Variants in CFAP54 observed in about 807,000 individuals in gnomAD.
CFAP54 encodes the protein cilia and flagella associated protein 54, also known as cilia- and flagella-associated protein 54.
Under a neutral mutation model 370.4 loss-of-function variants are expected in CFAP54, and 290 were observed. The ratio of observed to expected loss-of-function variants is 0.78; its 90% CI spans 0.71 to 0.86. CFAP54 has a LOEUF of 0.86. CFAP54 is among the 40% of genes least tolerant of loss of function. CFAP54 has a pLI of 0.00. For synonymous variants in CFAP54, 1,206 were observed against 1,236.5 expected (o/e 0.98, Z 0.52); for missense variants, 3,399 against 3,528.7 (o/e 0.96, Z 0.93).
chr12:96,775,737 T>C (rs1362806006), intron 60 of CFAP54, among the ~76,000 whole-genome samples: 1 of 152,182 alleles, frequency 6.6e-6, no homozygotes, highest in Non-Finnish European at 1.5e-5. Flanking sequence ...ATTATATCTT[T>C]ATTGTGAATG....
chr12:96,665,869 G>A (rs1957074371), intron 39 of CFAP54, among the ~76,000 whole-genome samples: 2 of 152,150 alleles, frequency 1.3e-5, no homozygotes, highest in Non-Finnish European at 2.9e-5. Context: ...CTCAATGGTA[G>A]TTCAATAGGA....
chr12:96,597,492 A>G (rs1288007970), intron 25 of CFAP54, among the ~76,000 whole-genome samples: 3 of 152,018 alleles, frequency 2.0e-5, no homozygotes, highest in Non-Finnish European at 4.4e-5. Context: ...TTGGCAAAAA[A>G]GCTGGTGACA....
intron 22 of CFAP54, 107 bp from the exon 23 acceptor site, chr12:96,589,320 A>C: frequency 1.1e-6 from 1 of 907,974 alleles, no homozygotes; most frequent in Non-Finnish European, 1.6e-6. Context: ...TGAGCGTGTG[A>C]TAGCACCTTA....
intron 66 of CFAP54, among the ~76,000 whole-genome samples, chr12:96,856,500 T>C (rs2136459145): frequency 6.6e-6 from 1 of 152,258 alleles, no homozygotes; most frequent in African/African-American, 2.4e-5. Context: ...GTTCCACAGA[T>C]CTCTAGGGAG....
chr12:96,851,350 GTTTCCTAATTCTA>G (rs1319171356), intron 66 of CFAP54, among the ~76,000 whole-genome samples: 1 of 151,944 alleles, frequency 6.6e-6, no homozygotes, highest in Non-Finnish European at 1.5e-5. Flanking sequence ...TATTTAGGTG[GTTTCCTAATTCTA>G]ATTCTATTCC....
At chr12:96,749,474 TAAG>T (rs1429595258) in intron 55 of CFAP54, among the ~76,000 whole-genome samples, 3 of 152,228 alleles carry the variant, frequency 2.0e-5, no homozygotes, top group Non-Finnish European at 4.4e-5. Context: ...ATAAGATTGT[TAAG>T]AAGATGTTAA....
chr12:96,869,718 C>T (rs930964299), intron 67 of CFAP54, among the ~76,000 whole-genome samples: 1 of 151,394 alleles, frequency 6.6e-6, no homozygotes, highest in Admixed American at 6.6e-5. Context: ...GGTGGATCAC[C>T]TGAGGTCGGG....
At chr12:96,824,279 G>T (rs1959062993) in intron 65 of CFAP54, among the ~76,000 whole-genome samples, 1 of 152,148 alleles carries the variant, frequency 6.6e-6, no homozygotes, top group Non-Finnish European at 1.5e-5. Context: ...ACATGTGTAT[G>T]CGGTTTACCT....
In CFAP54 at chr12:96,685,231, A is replaced by G; in HGVS notation, c.6007A>G (p.Ile2003Val). The stretch of plus-strand genomic sequence containing the variant: ...GCAAGGAGCAGTCATATCAGCAAAG[A>G]TAGCACAGTGAGTGTGAGGATGGAA... ...CLQGAVISAKIAQFIKSLNVE... is the reference protein window; with the variant it reads ...CLQGAVISAKVAQFIKSLNVE... Residue 2003 changes from isoleucine (I) to valine (V), a missense_variant, in exon 42 of 68, where the codon ATA (isoleucine) becomes GTA (valine). Ile to Val is a conservative substitution (Grantham distance 29, BLOSUM62 3). Transcript: ENST00000524981. 1 of 1,613,894 alleles carries G rather than the reference A, an allele frequency of 6.2e-7. No homozygotes were observed. Among genetic ancestry groups the G allele is most frequent in the South Asian group, 1.1e-5 (1 of 91,072 alleles).
At chr12:96,574,505 C>T (rs1955956164) in intron 19 of CFAP54, among the ~76,000 whole-genome samples, 1 of 151,848 alleles carries the variant, frequency 6.6e-6, no homozygotes, top group Non-Finnish European at 1.5e-5. Context: ...TGGTTATTGG[C>T]TAAAATTAAT....
At chr12:96,837,662 A>G (rs375351018) in intron 66 of CFAP54, among the ~76,000 whole-genome samples, 4 of 152,350 alleles carry the variant, frequency 2.6e-5, no homozygotes, top group South Asian at 2.1e-4. Context: ...CTCATGATAC[A>G]TCTTCTAGAG....
chr12:96,659,248 C>T (rs1246216968), intron 38 of CFAP54, among the ~76,000 whole-genome samples: 1 of 152,182 alleles, frequency 6.6e-6, no homozygotes, highest in Non-Finnish European at 1.5e-5. Context: ...ATTCTCCTGC[C>T]TCAGCCTTCC....
chr12:96,516,176 A>G (rs1347193553), intron 5 of CFAP54, among the ~76,000 whole-genome samples: 3 of 151,946 alleles, frequency 2.0e-5, no homozygotes, highest in South Asian at 2.1e-4. Flanking sequence ...CGGCCTCCCA[A>G]AGTGCTGGGA....
chr12:96,500,517 G>T (rs7959767), intron 1 of CFAP54, among the ~76,000 whole-genome samples: 1 of 151,912 alleles, frequency 6.6e-6, no homozygotes, highest in Non-Finnish European at 1.5e-5. Context: ...GTTGATAATG[G>T]GGAGGGCTGT....
Position 96,792,491 on chromosome 12 carries a change from G to T in CFAP54, c.8842G>T (p.Glu2948Ter). Reference protein sequence around the residue: ...PPLDRPPKETEPMVLLLYAYN... With the variant: ...PPLDRPPKET ...CCTGGATAGACCTCCCAAGGAGACA[G>T]AACCTATGGTATGTAATGTACTTAT... Residue 2948 changes from glutamate (E) to a stop codon, truncating the protein, a stop_gained, in exon 63 of 68, where the codon GAA (glutamate) becomes TAA (stop). Coordinates refer to ENST00000524981, the MANE Select transcript of CFAP54 (RefSeq NM_001306084.2). LOFTEE classifies it high-confidence loss of function. 1 of 1,533,026 alleles carries T rather than the reference G, an allele frequency of 6.5e-7. No individual in the cohort carries two copies. Among genetic ancestry groups the T allele is most frequent in the South Asian group, 1.2e-5 (1 of 83,688 alleles). 95.0% of individuals were successfully genotyped at this position (1,533,026 alleles called of 1,614,324 possible). A position where few individuals can be genotyped will look rare whatever the true frequency, so the allele number is the denominator to read the frequency against.
intron 45 of CFAP54, among the ~76,000 whole-genome samples, chr12:96,696,753 A>C (rs1957443091): frequency 6.6e-6 from 1 of 152,132 alleles, no homozygotes; most frequent in South Asian, 2.1e-4. Context: ...GAAAAACCAG[A>C]CTAGGGTTTT....
chr12:96,564,494 G>T lies in CFAP54; in HGVS notation c.2437G>T (p.Asp813Tyr), dbSNP rs771220390. 6.6e-5 allele frequency: 46 copies of T among 698,148 alleles called. 2 individuals are homozygous for T. In the Middle Eastern group the frequency reaches 4.8e-3, roughly 73 times the overall value. 43.2% of individuals were successfully genotyped at this position (698,148 alleles called of 1,614,324 possible). The part of the protein sequence containing the change: ...QVLQTPTVSK[D>Y]ISTKGPEKLK... ...TTTGCAGACTCCAACTGTTAGCAAAGATATTTCTACCAAGGGTCCGGAAAA... is the reference window on the plus strand; with the variant it reads ...TTTGCAGACTCCAACTGTTAGCAAATATATTTCTACCAAGGGTCCGGAAAA... Residue 813 changes from aspartate (D) to tyrosine (Y), a missense_variant, in exon 18 of 68, where the codon GAT (aspartate) becomes TAT (tyrosine). Around this residue, in one of 3 missense-constraint regions of CFAP54, gnomAD observed 2,796 missense variants for 2,869.7 expected, o/e 0.97. Transcript: ENST00000524981.
chr12:96,684,946 G>A, intron 41 of CFAP54, 83 bp from the exon 42 acceptor site: 1 of 1,325,666 alleles, frequency 7.5e-7, no homozygotes, highest in Admixed American at 1.9e-5. Context: ...CGTTGCTTCG[G>A]TGTATTTGCT....
intron 46 of CFAP54, 51 bp from the exon 47 acceptor site, chr12:96,704,692 A>G: frequency 3.8e-6 from 3 of 780,720 alleles, no homozygotes; most frequent in East Asian, 3.4e-5. Flanking sequence ...TTTATTGAAA[A>G]GAATACTCAA....
Sources: gnomAD v4.1 joint callset for allele counts (sites outside exome capture counted in the v4.1 genomes callset) on GRCh38, gnomAD v4.1.1 for gene constraint, gnomAD v4.1.1 regional missense constraint, MANE v1.5 for transcripts, NCBI Gene and HGNC (gene_info 2026-07-23, HGNC 2026-07-21) for gene names.